Variants in RAB6B observed in about 807,000 individuals in gnomAD.
RAB6B encodes ras-related protein Rab-6B.
A neutral mutation model predicts 31.2 loss-of-function variants in RAB6B; 7 were observed. The observed-to-expected ratio is 0.22, with a 90% CI of 0.13 to 0.42. The LOEUF is 0.42. Among genes scored for constraint, RAB6B ranks in the 10% least tolerant of loss-of-function variants. The pLI is 1.00. For missense variants in RAB6B, 149 were observed against 280.6 expected (o/e 0.53, Z 3.35); for synonymous variants, 105 against 104.9 (o/e 1.00, Z -0.01).
intron 6 of RAB6B, 121 bp downstream of exon 6, chr3:133,838,045 G>C (rs1391656980): frequency 4.9e-6 from 5 of 1,025,678 alleles, no homozygotes; most frequent in African/African-American, 1.6e-5. Context: ...TGGGTGTTCT[G>C]GTTGGCTGCC....
intron 1 of RAB6B, among the ~76,000 whole-genome samples, chr3:133,882,339 G>A (rs1021645677): frequency 6.6e-6 from 1 of 152,282 alleles, no homozygotes; most frequent in Non-Finnish European, 1.5e-5. Flanking sequence ...TATCACCTTT[G>A]CCACACTATA....
At chr3:133,850,418 G>GT (rs1413868077) in intron 2 of RAB6B, among the ~76,000 whole-genome samples, 4 of 152,136 alleles carry the variant, frequency 2.6e-5, no homozygotes, top group African/African-American at 9.7e-5. Flanking sequence ...TTTAAAAATA[G>GT]TTCATATAAC....
At chr3:133,893,609 G>C (rs1467603743) in intron 1 of RAB6B, among the ~76,000 whole-genome samples, 4 of 152,206 alleles carry the variant, frequency 2.6e-5, no homozygotes, top group Non-Finnish European at 5.9e-5. Context: ...TGTTTGCTGA[G>C]AACCTACCAG....
At chr3:133,889,432 A>ATCTATATC (rs1936604046) in intron 1 of RAB6B, among the ~76,000 whole-genome samples, 1 of 60,936 alleles carries the variant, frequency 1.6e-5, no homozygotes, top group Admixed American at 1.6e-4. Flanking sequence ...ATATATATAT[A>ATCTATATC]TATATATATA....
intron 2 of RAB6B, among the ~76,000 whole-genome samples, chr3:133,847,919 T>C (rs79591979): frequency 6.6e-6 from 1 of 152,212 alleles, no homozygotes; most frequent in Non-Finnish European, 1.5e-5. Context: ...TCTTCCTTTC[T>C]TTCCCTAAAA....
intron 7 of RAB6B, among the ~76,000 whole-genome samples, chr3:133,833,035 G>A (rs1401572331): frequency 6.6e-6 from 1 of 152,226 alleles, no homozygotes; most frequent in African/African-American, 2.4e-5. Flanking sequence ...CTTGGGAGCT[G>A]GTGGGATGGA....
chr3:133,877,452 AGAG>A, intron 1 of RAB6B, among the ~76,000 whole-genome samples: 1 of 152,284 alleles, frequency 6.6e-6, no homozygotes, highest in Middle Eastern at 3.4e-3. Context: ...GATGCTGGGG[AGAG>A]TCCTCAGAAG....
rs538859421 is a variant in RAB6B at position 133,833,210 on chromosome 3, G to T, written c.562+1365C>A. ...CCCATGTGACAGGTGATTCCACAGGGGCTCTCTCCTGAGCTCTGGAGCCTG... is the reference window on the plus strand; with the variant it reads ...CCCATGTGACAGGTGATTCCACAGGTGCTCTCTCCTGAGCTCTGGAGCCTG... On this transcript the variant is annotated intron_variant, in intron 7 of 7. Coordinates refer to ENST00000285208, the MANE Select transcript of RAB6B (RefSeq NM_016577.4). 1.1e-4 allele frequency among the ~76,000 whole-genome samples: 17 copies of T among 152,262 alleles called. No individual in the cohort carries two copies. In the South Asian group the frequency reaches 1.7e-3, roughly 15 times the overall value.
chr3:133,849,699 T>C lies in RAB6B; in HGVS notation c.130-8036A>G, dbSNP rs368047163. Among the ~76,000 whole-genome samples the C allele has an allele frequency of 5.8e-4, 88 of 152,344 alleles. 4 individuals are homozygous for C. The highest frequency in any genetic ancestry group is 2.1e-3 in the African/African-American group (86 of 41,578). ...AATCCCTTCATTTCTGAACCTGTCA[T>C]GCACCCTGAAGCTGTCACTGAATAT... On this transcript the variant is annotated intron_variant, in intron 2 of 7. Transcript: ENST00000285208.
At chr3:133,877,724 TAAGA>T (rs1936415547) in intron 1 of RAB6B, among the ~76,000 whole-genome samples, 1 of 149,468 alleles carries the variant, frequency 6.7e-6, no homozygotes, top group South Asian at 2.1e-4. Context: ...ATAAAGATAT[TAAGA>T]AATAGTTATT....
At chr3:133,854,096 G>A (rs1392937610) in intron 2 of RAB6B, among the ~76,000 whole-genome samples, 1 of 152,210 alleles carries the variant, frequency 6.6e-6, no homozygotes, top group Non-Finnish European at 1.5e-5. Context: ...AAAAGGCTCT[G>A]ATGAGTTCTG....
chr3:133,840,462 A>C (rs1022833371), intron 4 of RAB6B, among the ~76,000 whole-genome samples: 5 of 152,180 alleles, frequency 3.3e-5, no homozygotes, highest in Non-Finnish European at 7.3e-5. Flanking sequence ...TCCCACCTGC[A>C]CTCAGGTGTG....
At chr3:133,835,414 G>C (rs1442564504) in intron 6 of RAB6B, among the ~76,000 whole-genome samples, 1 of 151,772 alleles carries the variant, frequency 6.6e-6, no homozygotes, top group Non-Finnish European at 1.5e-5. Context: ...AGTGTGGGGG[G>C]AATGTGTGCA....
In RAB6B at chr3:133,827,932, A is replaced by AT; in HGVS notation, c.*855dup. The AT allele has an allele frequency of 1.4e-6, 1 of 702,896 alleles. No homozygotes were observed. Among genetic ancestry groups the AT allele is most frequent in the South Asian group, 1.5e-5 (1 of 67,586 alleles). 43.5% of individuals were successfully genotyped at this position (702,896 alleles called of 1,614,324 possible). The stretch of plus-strand genomic sequence containing the variant: ...GGTTAAAATATTTTCAGAAGTACAC[A>AT]TGGCACCCCAGTCTATAAACCACGC... On this transcript the variant is annotated 3_prime_UTR_variant, in exon 8 of 8. Transcript: ENST00000285208.
chr3:133,861,012 C>G (rs1559907294), intron 2 of RAB6B, among the ~76,000 whole-genome samples: 1 of 152,196 alleles, frequency 6.6e-6, no homozygotes, highest in Non-Finnish European at 1.5e-5. Context: ...GTGCTGCTAC[C>G]ACCAAATCCT....
At chr3:133,829,997 A>G (rs759075016) in intron 7 of RAB6B, among the ~76,000 whole-genome samples, 3 of 152,228 alleles carry the variant, frequency 2.0e-5, no homozygotes, top group Non-Finnish European at 4.4e-5. Flanking sequence ...CAGCCTATAA[A>G]TGAGTAAATA....
intron 1 of RAB6B, among the ~76,000 whole-genome samples, chr3:133,890,130 G>A (rs1209958897): frequency 6.6e-6 from 1 of 152,210 alleles, no homozygotes; most frequent in African/African-American, 2.4e-5. Context: ...AAGGCTCAGG[G>A]CAACAGGGTG....
At chr3:133,870,248 T>C (rs1936298970) in intron 1 of RAB6B, among the ~76,000 whole-genome samples, 1 of 152,132 alleles carries the variant, frequency 6.6e-6, no homozygotes, top group African/African-American at 2.4e-5. Flanking sequence ...AAATGTCAGA[T>C]GCTTATAAAA....
intron 1 of RAB6B, among the ~76,000 whole-genome samples, chr3:133,879,021 TG>T (rs1457353136): frequency 9.9e-5 from 15 of 152,226 alleles, no homozygotes; most frequent in Admixed American, 8.5e-4. Flanking sequence ...GTTTTAATCC[TG>T]GCTCTGCCAC....
Sources: gnomAD v4.1 joint callset for allele counts (sites outside exome capture counted in the v4.1 genomes callset) on GRCh38, gnomAD v4.1.1 for gene constraint, MANE v1.5 for transcripts, NCBI Gene and HGNC (gene_info 2026-07-23, HGNC 2026-07-21) for gene names.